The following SPECC1L variants were observed in gnomAD, a reference collection of about 807,000 sequenced individuals.
SPECC1L encodes cytospin-A.
SPECC1L carries 40 observed loss-of-function variants against 116.8 expected under a neutral mutation model. The ratio of observed to expected loss-of-function variants is 0.34; its 90% CI spans 0.27 to 0.45. SPECC1L has a LOEUF of 0.45. SPECC1L is among the 20% of genes least tolerant of loss of function. The pLI, the probability that SPECC1L is intolerant of heterozygous loss-of-function variation, is 1.00. For missense variants in SPECC1L, 1,110 were observed against 1,373.6 expected (o/e 0.81, Z 3.03); for synonymous variants, 504 against 500.6 (o/e 1.01, Z -0.09).
chr22:24,392,862 G>A (rs575705399), intron 14 of SPECC1L, among the ~76,000 whole-genome samples: 1 of 152,200 alleles, frequency 6.6e-6, no homozygotes, highest in Non-Finnish European at 1.5e-5. Context: ...CTAGCTGATG[G>A]CTCCCTCCCT....
chr22:24,365,350 A>G (rs938728608), intron 12 of SPECC1L, 126 bp from the exon 13 acceptor site: 1 of 827,016 alleles, frequency 1.2e-6, no homozygotes, highest in African/African-American at 1.7e-5. Flanking sequence ...CTTTCCAGTT[A>G]TCAATATTAG....
chr22:24,413,405 G>A (rs1026130319), intron 16 of SPECC1L, among the ~76,000 whole-genome samples: 1 of 152,170 alleles, frequency 6.6e-6, no homozygotes, highest in Admixed American at 6.5e-5. Flanking sequence ...ACAGACCATC[G>A]GGATTTTCAG....
intron 14 of SPECC1L, among the ~76,000 whole-genome samples, chr22:24,370,399 T>C (rs1235426484): frequency 2.0e-5 from 3 of 149,906 alleles, no homozygotes; most frequent in Non-Finnish European, 3.0e-5. Context: ...CCATGCCAGC[T>C]TCCACTGGCT....
At chr22:24,328,356 TTTTATAGAA>T (rs1006113555) in intron 6 of SPECC1L, among the ~76,000 whole-genome samples, 1 of 152,186 alleles carries the variant, frequency 6.6e-6, no homozygotes, top group Non-Finnish European at 1.5e-5. Context: ...TTAAAAAGAT[TTTTATAGAA>T]TTAATTGAAA....
chr22:24,339,931 T>C (rs886203651), intron 10 of SPECC1L, among the ~76,000 whole-genome samples: 5 of 151,842 alleles, frequency 3.3e-5, no homozygotes, highest in Non-Finnish European at 5.9e-5. Flanking sequence ...ACCACAGGCG[T>C]GCACCACCAT....
At chr22:24,409,659 A>G (rs1488914095) in intron 14 of SPECC1L, among the ~76,000 whole-genome samples, 1 of 152,196 alleles carries the variant, frequency 6.6e-6, no homozygotes, top group African/African-American at 2.4e-5. Context: ...CTCTTTAAAA[A>G]GTAATAATAA....
chr22:24,398,661 C>T (rs2042411992), intron 14 of SPECC1L, among the ~76,000 whole-genome samples: 1 of 152,164 alleles, frequency 6.6e-6, no homozygotes, highest in Non-Finnish European at 1.5e-5. Context: ...ACTCAGATTC[C>T]ACCACATTCA....
chr22:24,397,994 G>T (rs994473086), intron 14 of SPECC1L, among the ~76,000 whole-genome samples: 1 of 152,206 alleles, frequency 6.6e-6, no homozygotes, highest in Admixed American at 6.5e-5. Context: ...ACATCCTGGA[G>T]ACCCTGTGAC....
chr22:24,304,063 AC>A (rs2049440580), intron 3 of SPECC1L, among the ~76,000 whole-genome samples: 1 of 151,710 alleles, frequency 6.6e-6, no homozygotes, highest in African/African-American at 2.4e-5. Flanking sequence ...GGGCTTTGAG[AC>A]CCCACAGTGT....
At chr22:24,381,507 G>C (rs779969330) in intron 14 of SPECC1L, among the ~76,000 whole-genome samples, 5 of 152,174 alleles carry the variant, frequency 3.3e-5, no homozygotes, top group Non-Finnish European at 7.4e-5. Context: ...GGAATTAAAA[G>C]AATTAATGGG....
chr22:24,272,346 C>T (rs2048744291), intron 1 of SPECC1L, among the ~76,000 whole-genome samples: 1 of 152,098 alleles, frequency 6.6e-6, no homozygotes, highest in African/African-American at 2.4e-5. Flanking sequence ...GCCTGGGCTA[C>T]AGAGCGAGGC....
chr22:24,282,974 C>CAGGGAG (rs1421216896), intron 2 of SPECC1L, among the ~76,000 whole-genome samples: 2 of 152,006 alleles, frequency 1.3e-5, no homozygotes, highest in South Asian at 2.1e-4. Flanking sequence ...GGCGGGGTTT[C>CAGGGAG]ACCATGTTGG....
intron 10 of SPECC1L, among the ~76,000 whole-genome samples, chr22:24,345,273 A>C (rs532428610): frequency 1.7e-4 from 26 of 152,338 alleles, no homozygotes; most frequent in African/African-American, 6.3e-4. Flanking sequence ...AAAAAAAAAT[A>C]ACCTCAGCCC....
intron 7 of SPECC1L, among the ~76,000 whole-genome samples, chr22:24,329,397 A>T (rs1265728293): frequency 6.6e-6 from 1 of 152,228 alleles, no homozygotes; most frequent in Non-Finnish European, 1.5e-5. Flanking sequence ...AAGAAAGGTT[A>T]TTAGCTTTTG....
intron 2 of SPECC1L, among the ~76,000 whole-genome samples, chr22:24,284,071 C>T (rs1284542681): frequency 6.6e-6 from 1 of 152,022 alleles, no homozygotes; most frequent in Non-Finnish European, 1.5e-5. Flanking sequence ...TTTACGTTTT[C>T]TATTTCATTG....
chr22:24,329,714 T>C (rs2040901145), intron 7 of SPECC1L, among the ~76,000 whole-genome samples: 1 of 152,198 alleles, frequency 6.6e-6, no homozygotes, highest in Admixed American at 6.5e-5. Flanking sequence ...GACCACGTAG[T>C]TCCTTACCGC....
chr22:24,338,276 T>C, intron 9 of SPECC1L, 110 bp from the exon 10 acceptor site: 1 of 1,024,818 alleles, frequency 9.8e-7, no homozygotes, highest in Non-Finnish European at 1.5e-6. Flanking sequence ...CAAGACAGTG[T>C]CCAGCGGGGT....
chr22:24,311,447 C>T (rs2040458568), intron 3 of SPECC1L, among the ~76,000 whole-genome samples: 1 of 152,162 alleles, frequency 6.6e-6, no homozygotes, highest in Admixed American at 6.5e-5. Flanking sequence ...AGTGGTATGA[C>T]TTTCATTGTG....
intron 16 of SPECC1L, among the ~76,000 whole-genome samples, chr22:24,413,341 AC>A (rs2042737961): frequency 6.6e-6 from 1 of 152,148 alleles, no homozygotes; most frequent in African/African-American, 2.4e-5. Flanking sequence ...AAACTTCTAC[AC>A]CCAGAGACGC....
Sources: gnomAD v4.1 joint callset for allele counts (sites outside exome capture counted in the v4.1 genomes callset) on GRCh38, gnomAD v4.1.1 for gene constraint, MANE v1.5 for transcripts, NCBI Gene and HGNC (gene_info 2026-07-23, HGNC 2026-07-21) for gene names.